The following KIR3DL1 variants were observed in gnomAD, a reference collection of about 807,000 sequenced individuals.
KIR3DL1 encodes killer cell immunoglobulin like receptor, three Ig domains and long cytoplasmic tail 1.
Under a neutral mutation model 40.3 loss-of-function variants are expected in KIR3DL1, and 50 were observed. That is an observed-to-expected ratio of 1.24 (90% confidence interval 0.99 to 1.57). The LOEUF is 1.57. Among genes scored for constraint, KIR3DL1 ranks in the 40% most tolerant of loss-of-function variants. The probability of loss-of-function intolerance (pLI) is 0.00; values close to 1 mark genes in which losing one functional copy is unlikely to be tolerated. For synonymous variants in KIR3DL1, 257 were observed against 207.2 expected (o/e 1.24, Z -2.07); for missense variants, 661 against 559.9 (o/e 1.18, Z -1.82).
intron 5 of KIR3DL1, among the ~76,000 whole-genome samples, chr19:54,823,031 C>CTTT (rs200236016): frequency 2.2e-5 from 3 of 137,452 alleles, no homozygotes; most frequent in Non-Finnish European, 3.2e-5. Context: ...TGAAAGTTCT[C>CTTT]TTTTTTTTTT....
At chr19:54,825,212 T>A in intron 6 of KIR3DL1, 134 bp downstream of exon 6, 4 of 754,034 alleles carry the variant, frequency 5.3e-6, no homozygotes, top group Non-Finnish European at 7.0e-6. Flanking sequence ...CTCCAGACAC[T>A]CCAACAGTGA....
At chr19:54,830,150 T>C in exon 9 of KIR3DL1, 1 of 1,524,560 alleles carries the variant, frequency 6.6e-7, no homozygotes, top group Non-Finnish European at 8.9e-7. Context: ...GTTGGATCAC[T>C]GCGTTTTCAC....
chr19:54,830,156 T>C, exon 9 of KIR3DL1: 1 of 1,524,368 alleles, frequency 6.6e-7, no homozygotes, highest in Non-Finnish European at 8.9e-7. Flanking sequence ...TCACTGCGTT[T>C]TCACACAGAG....
chr19:54,822,995 C>T (rs2148130414), intron 5 of KIR3DL1, among the ~76,000 whole-genome samples: 1 of 149,424 alleles, frequency 6.7e-6, no homozygotes, highest in African/African-American at 2.5e-5. Flanking sequence ...TGGATATAAA[C>T]CCAGTAGTGA....
exon 5 of KIR3DL1, chr19:54,821,829 C>G: frequency 6.2e-7 from 1 of 1,602,758 alleles, no homozygotes; most frequent in South Asian, 1.1e-5. Context: ...TGGTCAGACC[C>G]GAGTGACCCA....
At chr19:54,818,632 C>T (rs1325439662) in intron 3 of KIR3DL1, 33 bp downstream of exon 3, 4 of 1,589,998 alleles carry the variant, frequency 2.5e-6, no homozygotes, top group Middle Eastern at 1.8e-4. Context: ...TTCTCACTGT[C>T]CCACCTCCTG....
intron 1 of KIR3DL1, 69 bp from the exon 2 acceptor site, chr19:54,817,465 C>A: frequency 7.7e-7 from 1 of 1,291,936 alleles, no homozygotes; most frequent in Non-Finnish European, 1.1e-6. Flanking sequence ...AGACGCACAG[C>A]CCAGTGGGGG....
intron 6 of KIR3DL1, among the ~76,000 whole-genome samples, chr19:54,825,373 G>C (rs2061830466): frequency 6.6e-6 from 1 of 150,670 alleles, no homozygotes; most frequent in South Asian, 2.1e-4. Flanking sequence ...TTCCTAACTG[G>C]AGGATAAATT....
chr19:54,818,082 G>T (rs1248536263), intron 2 of KIR3DL1, among the ~76,000 whole-genome samples: 1 of 139,552 alleles, frequency 7.2e-6, no homozygotes, highest in Non-Finnish European at 1.5e-5. Context: ...GAGTAATTTT[G>T]CAGTATTAAA....
Position 54,816,628 on chromosome 19 carries a change from TAGAGGTGGAGTTATGG to T in KIR3DL1, c.34+95_34+110del. On this transcript the variant is annotated intron_variant, in intron 1 of 8. Coordinates refer to ENST00000391728, the Ensembl canonical transcript of KIR3DL1. ...GGGCCTAGAGGTGGAGTTATGGGCC[TAGAGGTGGAGTTATGG>T]GCCTGAAGTGGAGATCTGGGCCTGG... 3.4e-6 allele frequency: 5 copies of T among 1,460,342 alleles called. No homozygotes were observed. The African/African-American group carries it at 7.0e-5, about 20-fold the overall frequency. 90.5% of individuals were successfully genotyped at this position (1,460,342 alleles called of 1,614,324 possible). A position where few individuals can be genotyped will look rare whatever the true frequency, so the allele number is the denominator to read the frequency against.
intron 6 of KIR3DL1, among the ~76,000 whole-genome samples, chr19:54,827,251 A>T (rs2061949439): frequency 6.6e-6 from 1 of 151,334 alleles, no homozygotes; most frequent in Non-Finnish European, 1.5e-5. Context: ...CTGGCAAAGG[A>T]GTGACAGATA....
intron 1 of KIR3DL1, among the ~76,000 whole-genome samples, chr19:54,816,762 T>TG (rs1476971398): frequency 8.7e-6 from 1 of 115,512 alleles, no homozygotes; most frequent in African/African-American, 3.8e-5. Context: ...GATATGGGCC[T>TG]GGGGTGGAGA....
At chr19:54,818,196 TG>T in intron 2 of KIR3DL1, 118 bp from the exon 3 acceptor site, 1 of 1,099,052 alleles carries the variant, frequency 9.1e-7, no homozygotes, top group Non-Finnish European at 1.3e-6. Flanking sequence ...CCTGTAGCCC[TG>T]GGCACCCAGG....
rs1171470518 is a variant in KIR3DL1 at position 54,818,361 on chromosome 19, G to A, written c.117G>A (p.Val39=). Residue 39 remains valine (V), a synonymous_variant, in exon 3 of 9, where the codon GTG becomes GTA. Transcript: ENST00000391728. The stretch of plus-strand genomic sequence containing the variant: ...TGTCTGCCTGGCCCAGCGCTGTGGT[G>A]CCTCGAGGAGGACACGTGACTCTTC... The A allele has an allele frequency of 2.7e-5, 43 of 1,605,452 alleles. 2 individuals carry two copies. In the Admixed American group the frequency reaches 6.9e-4, roughly 26 times the overall value.
At position 54,816,472 on chromosome 19, in the gene KIR3DL1, C is replaced by T. The variant is rs780436533; in HGVS notation, c.-29C>T. 1.6e-4 allele frequency: 259 copies of T among 1,597,772 alleles called. 7 individuals are homozygous for T. The African/African-American group carries it at 2.0e-3, about 12-fold the overall frequency. On this transcript the variant is annotated 5_prime_UTR_variant, in exon 1 of 9. Transcript: ENST00000391728. The stretch of plus-strand genomic sequence containing the variant: ...TGTGCGCTGCTGAGCTGAGCTGGGG[C>T]GCAGCCGCCTGTCTGCACCGGCAGC...
chr19:54,821,754 T>G, exon 5 of KIR3DL1: 1 of 1,608,274 alleles, frequency 6.2e-7, no homozygotes, highest in Non-Finnish European at 8.5e-7. Flanking sequence ...GATTTCCCTC[T>G]GGGCCCTGCC....
intron 4 of KIR3DL1, 56 bp downstream of exon 4, chr19:54,820,068 A>T: frequency 6.4e-7 from 1 of 1,561,206 alleles, no homozygotes. Flanking sequence ...TGAATGATCC[A>T]GGACTTGGAA....
chr19:54,817,792 G>T (rs1286159737), intron 2 of KIR3DL1, among the ~76,000 whole-genome samples: 4 of 148,570 alleles, frequency 2.7e-5, no homozygotes, highest in African/African-American at 1.0e-4. Flanking sequence ...AGATGGGTGT[G>T]CAGGGAGGAA....
Position 54,819,752 on chromosome 19 carries a change from C to G in KIR3DL1, c.395C>G (p.Pro132Arg), listed in dbSNP as rs776257501. ...CCTTCCCTCCTGGCCCACCCAGGTC[C>G]CCTGGTGAAATCAGGAGAGAGAGTC... The change falls in exon 4 of 9, where the codon CCC (proline) becomes CGC (arginine). Residue 132 changes from proline (P) to arginine (R), a missense_variant. This residue lies in a region of KIR3DL1 where 548 missense variants were observed against 413.3 expected (regional missense o/e 1.33). Coordinates refer to ENST00000391728, the Ensembl canonical transcript of KIR3DL1. 5 of 1,610,236 alleles carry G rather than the reference C, an allele frequency of 3.1e-6. No homozygotes were observed. In the South Asian group the frequency reaches 5.5e-5, roughly 18 times the overall value.
Sources: gnomAD v4.1 joint callset for allele counts (sites outside exome capture counted in the v4.1 genomes callset) on GRCh38, gnomAD v4.1.1 for gene constraint, gnomAD v4.1.1 regional missense constraint, MANE v1.5 for transcripts, NCBI Gene and HGNC (gene_info 2026-07-23, HGNC 2026-07-21) for gene names.